ZNF385D: variants seen among roughly 807,000 people sequenced by gnomAD.
ZNF385D encodes zinc finger protein 659.
A neutral mutation model predicts 35.8 loss-of-function variants in ZNF385D; 15 were observed. That is an observed-to-expected ratio of 0.42 (90% CI 0.28 to 0.64). ZNF385D has a LOEUF of 0.64. Among genes scored for constraint, ZNF385D ranks in the 30% least tolerant of loss-of-function variants. The pLI, the probability that ZNF385D is intolerant of heterozygous loss-of-function variation, is 0.23. For synonymous variants in ZNF385D, 212 were observed against 186.8 expected, an observed-to-expected ratio of 1.13 and a Z score of -1.10; for missense variants, 474 against 494.6, an observed-to-expected ratio of 0.96 and a Z score of 0.39.
intron 3 of ZNF385D, among the ~76,000 whole-genome samples, chr3:21,949,337 T>TGA (rs749487882): frequency 6.6e-5 from 10 of 152,148 alleles, no homozygotes; most frequent in Non-Finnish European, 1.2e-4. Flanking sequence ...GCTTTCCACT[T>TGA]GAGAACCTGT....
rs571999650 is a variant in ZNF385D, at chr3:22,213,383, T to C, written c.107-44348A>G. 2.7e-3 allele frequency among the ~76,000 whole-genome samples: 404 copies of C among 152,216 alleles called. 2 individuals carry two copies. The highest frequency in any genetic ancestry group is 8.2e-3 in the African/African-American group (339 of 41,580). On this transcript the variant is annotated intron_variant, in intron 2 of 5. Coordinates refer to the ZNF385D transcript ENST00000494108. ...ACAAGACATGGACCAGATTTGACCA[T>C]TGGGTTATAGTTTGTGGATCTAAAG...
chr3:21,785,882 A>G (rs2071669406), intron 3 of ZNF385D, among the ~76,000 whole-genome samples: 1 of 152,334 alleles, frequency 6.6e-6, no homozygotes, highest in Middle Eastern at 3.4e-3. Context: ...CCCACTGATT[A>G]GCCTGCAATC....
intron 2 of ZNF385D, among the ~76,000 whole-genome samples, chr3:22,195,153 G>A (rs1178310291): frequency 6.6e-6 from 1 of 151,784 alleles, no homozygotes; most frequent in Non-Finnish European, 1.5e-5. Flanking sequence ...ACTTTTTAAA[G>A]TTTTAGACAT....
At chr3:22,217,537 A>G (rs1697963638) in intron 2 of ZNF385D, among the ~76,000 whole-genome samples, 1 of 152,190 alleles carries the variant, frequency 6.6e-6, no homozygotes, top group Admixed American at 6.6e-5. Context: ...ATTTTGAAGT[A>G]CTGGATGTTG....
chr3:22,305,788 A>T (rs1258448227), intron 2 of ZNF385D, among the ~76,000 whole-genome samples: 2 of 152,168 alleles, frequency 1.3e-5, no homozygotes, highest in East Asian at 1.9e-4. Flanking sequence ...ACAACCAATG[A>T]TTACTACACT....
At chr3:21,600,089 C>G (rs993894759) in intron 2 of ZNF385D, among the ~76,000 whole-genome samples, 3 of 152,162 alleles carry the variant, frequency 2.0e-5, no homozygotes, top group Non-Finnish European at 2.9e-5. Context: ...TTTACAAATG[C>G]CATGACAATG....
chr3:22,171,721 C>A (rs1006570269), intron 2 of ZNF385D, among the ~76,000 whole-genome samples: 4 of 151,520 alleles, frequency 2.6e-5, no homozygotes, highest in South Asian at 2.1e-4. Context: ...CTAAAAAATA[C>A]AAGAAATTAG....
chr3:22,015,646 G>GT (rs1559850388), intron 3 of ZNF385D, among the ~76,000 whole-genome samples: 1 of 152,016 alleles, frequency 6.6e-6, no homozygotes, highest in Non-Finnish European at 1.5e-5. Context: ...ATCATTTCTT[G>GT]TTTGTTTCTA....
intron 2 of ZNF385D, among the ~76,000 whole-genome samples, chr3:22,254,191 G>A (rs981307196): frequency 2.0e-5 from 3 of 151,504 alleles, no homozygotes; most frequent in African/African-American, 7.3e-5. Flanking sequence ...TGGAGTAAGA[G>A]ACATATATGA....
chr3:21,717,248 G>A (rs2068359744), intron 1 of ZNF385D, among the ~76,000 whole-genome samples: 1 of 152,182 alleles, frequency 6.6e-6, no homozygotes, highest in Non-Finnish European at 1.5e-5. Flanking sequence ...TGTGAATACA[G>A]TTATGCCTTT....
intron 4 of ZNF385D, among the ~76,000 whole-genome samples, chr3:21,490,591 G>A (rs1206971476): frequency 6.6e-6 from 1 of 152,092 alleles, no homozygotes; most frequent in Non-Finnish European, 1.5e-5. Flanking sequence ...TTGTAACTCA[G>A]ATGTGATATT....
chr3:22,149,791 C>T (rs1020842133), intron 3 of ZNF385D, among the ~76,000 whole-genome samples: 8 of 152,272 alleles, frequency 5.3e-5, no homozygotes, highest in Admixed American at 1.3e-4. Flanking sequence ...AAAGACAATG[C>T]GCTTTTCTCA....
intron 2 of ZNF385D, among the ~76,000 whole-genome samples, chr3:21,582,999 C>G (rs1428991594): frequency 6.6e-6 from 1 of 152,042 alleles, no homozygotes; most frequent in Non-Finnish European, 1.5e-5. Context: ...AACTCCTTAC[C>G]TCGTGATCTG....
chr3:21,437,317 A>C, intron 4 of ZNF385D, 114 bp from the exon 5 acceptor site: 1 of 1,009,294 alleles, frequency 9.9e-7, no homozygotes, highest in Non-Finnish European at 1.4e-6. Flanking sequence ...GCAGCTAGCA[A>C]TTGCTGTTTG....
At chr3:21,528,179 A>C (rs1708339138) in intron 3 of ZNF385D, among the ~76,000 whole-genome samples, 1 of 152,192 alleles carries the variant, frequency 6.6e-6, no homozygotes, top group Non-Finnish European at 1.5e-5. Context: ...AAATAGATCC[A>C]GAAAGGGGAG....
chr3:22,152,796 T>C (rs1243105083), intron 3 of ZNF385D, among the ~76,000 whole-genome samples: 1 of 152,178 alleles, frequency 6.6e-6, no homozygotes, highest in Non-Finnish European at 1.5e-5. Flanking sequence ...GTCTCAGGGA[T>C]TAGGATGTAT....
intron 3 of ZNF385D, among the ~76,000 whole-genome samples, chr3:22,061,530 G>A (rs371297412): frequency 6.6e-6 from 1 of 152,020 alleles, no homozygotes; most frequent in Non-Finnish European, 1.5e-5. Context: ...TTCTTCTCAA[G>A]CCTCCCACAA....
At chr3:21,794,395 G>C (rs2072059613) in intron 3 of ZNF385D, among the ~76,000 whole-genome samples, 1 of 152,054 alleles carries the variant, frequency 6.6e-6, no homozygotes, top group African/African-American at 2.4e-5. Context: ...GAGTGTCATT[G>C]AAACGACAGA....
intron 2 of ZNF385D, among the ~76,000 whole-genome samples, chr3:22,173,699 C>G (rs939368133): frequency 1.3e-5 from 2 of 152,086 alleles, no homozygotes; most frequent in African/African-American, 4.8e-5. Context: ...CATCGGATGG[C>G]TCTTTATCTC....
Sources: gnomAD v4.1 joint callset for allele counts (sites outside exome capture counted in the v4.1 genomes callset) on GRCh38, gnomAD v4.1.1 for gene constraint, MANE v1.5 for transcripts, NCBI Gene and HGNC (gene_info 2026-07-23, HGNC 2026-07-21) for gene names.